Variants in GPC6 observed in about 807,000 individuals in gnomAD.
GPC6 encodes glypican 6, also known as glypican-6.
A neutral mutation model predicts 55.2 loss-of-function variants in GPC6; 14 were observed. That is an observed-to-expected ratio of 0.25 (90% confidence interval 0.17 to 0.40). The LOEUF is 0.40. GPC6 is among the 10% of genes least tolerant of loss of function. The probability of loss-of-function intolerance (pLI) is 1.00; values close to 1 mark genes in which losing one functional copy is unlikely to be tolerated. For synonymous variants in GPC6, 278 were observed against 259.6 expected, an observed-to-expected ratio of 1.07 and a Z score of -0.68; for missense variants, 641 against 708.5, an observed-to-expected ratio of 0.90 and a Z score of 1.08.
chr13:93,841,791 A>C (rs1052432446), intron 3 of GPC6, among the ~76,000 whole-genome samples: 3 of 152,216 alleles, frequency 2.0e-5, no homozygotes, highest in African/African-American at 4.8e-5. Context: ...AACAGAGAGC[A>C]GTGGATTTTA....
chr13:93,355,324 C>T (rs1253392955), intron 1 of GPC6, among the ~76,000 whole-genome samples: 1 of 152,064 alleles, frequency 6.6e-6, no homozygotes, highest in East Asian at 1.9e-4. Flanking sequence ...GGTAAGAGCA[C>T]ACATGACACT....
At chr13:94,323,211 T>G (rs1876931568) in intron 6 of GPC6, among the ~76,000 whole-genome samples, 8 of 152,146 alleles carry the variant, frequency 5.3e-5, no homozygotes. Flanking sequence ...CCTTTTAATT[T>G]GCACATGGCA....
At chr13:93,409,646 C>T (rs933622354) in intron 1 of GPC6, among the ~76,000 whole-genome samples, 1 of 152,132 alleles carries the variant, frequency 6.6e-6, no homozygotes, top group Non-Finnish European at 1.5e-5. Flanking sequence ...CAGCAAATCT[C>T]AAAAGAAGAA....
At chr13:94,196,500 A>G (rs1322818358) in intron 4 of GPC6, among the ~76,000 whole-genome samples, 1 of 152,234 alleles carries the variant, frequency 6.6e-6, no homozygotes, top group Non-Finnish European at 1.5e-5. Flanking sequence ...TATCATTTTA[A>G]GATGCCGGGT....
chr13:93,426,108 G>C (rs1877117242), intron 1 of GPC6, among the ~76,000 whole-genome samples: 1 of 152,046 alleles, frequency 6.6e-6, no homozygotes. Context: ...CTCCTAATAG[G>C]CTTTTATTTG....
intron 1 of GPC6, among the ~76,000 whole-genome samples, chr13:93,492,493 C>T (rs1880059219): frequency 6.6e-6 from 1 of 151,036 alleles, no homozygotes; most frequent in Non-Finnish European, 1.5e-5. Flanking sequence ...TTCCTCTTTT[C>T]CCTATTGAAT....
intron 1 of GPC6, among the ~76,000 whole-genome samples, chr13:93,427,918 A>C (rs573572406): frequency 6.6e-6 from 1 of 152,302 alleles, no homozygotes; most frequent in South Asian, 2.1e-4. Context: ...AGTTTTATGC[A>C]GTCAGTATTC....
At chr13:93,652,417 G>A (rs1260922322) in intron 2 of GPC6, among the ~76,000 whole-genome samples, 2 of 152,072 alleles carry the variant, frequency 1.3e-5, no homozygotes, top group African/African-American at 4.8e-5. Flanking sequence ...AATTATATGT[G>A]CATTAACTGA....
At chr13:93,696,162 T>A (rs1882444986) in intron 2 of GPC6, among the ~76,000 whole-genome samples, 1 of 152,180 alleles carries the variant, frequency 6.6e-6, no homozygotes, top group South Asian at 2.1e-4. Context: ...AAGAAAATGT[T>A]ATATTTCTAT....
intron 6 of GPC6, among the ~76,000 whole-genome samples, chr13:94,372,452 T>G (rs534415974): frequency 9.3e-5 from 14 of 150,532 alleles, no homozygotes; most frequent in East Asian, 1.9e-4. Flanking sequence ...AAGGGGTGAC[T>G]GACGGCACCT....
At chr13:94,100,190 C>A (rs1885805655) in intron 4 of GPC6, among the ~76,000 whole-genome samples, 1 of 152,128 alleles carries the variant, frequency 6.6e-6, no homozygotes, top group South Asian at 2.1e-4. Flanking sequence ...ATAGGTTAAG[C>A]TGCCCAAAGT....
At chr13:93,659,348 C>A (rs1164205252) in intron 2 of GPC6, among the ~76,000 whole-genome samples, 1 of 151,774 alleles carries the variant, frequency 6.6e-6, no homozygotes, top group Non-Finnish European at 1.5e-5. Context: ...TCGTACTATT[C>A]TTTTACTATT....
At chr13:93,801,602 T>C (rs2138938103) in intron 2 of GPC6, among the ~76,000 whole-genome samples, 1 of 152,258 alleles carries the variant, frequency 6.6e-6, no homozygotes, top group East Asian at 1.9e-4. Context: ...AATGTGCTGG[T>C]ACCATTTCCT....
At chr13:93,539,390 G>T (rs1483948734) in intron 1 of GPC6, among the ~76,000 whole-genome samples, 1 of 152,080 alleles carries the variant, frequency 6.6e-6, no homozygotes, top group Non-Finnish European at 1.5e-5. Flanking sequence ...AGTTGAACAG[G>T]TTTAGTTATA....
intron 2 of GPC6, among the ~76,000 whole-genome samples, chr13:93,603,527 T>A (rs909274542): frequency 1.3e-5 from 2 of 152,226 alleles, no homozygotes. Flanking sequence ...GTCCCCACTT[T>A]GCAGGTGAGG....
chr13:93,621,404 T>A (rs1401348169), intron 2 of GPC6, among the ~76,000 whole-genome samples: 2 of 152,144 alleles, frequency 1.3e-5, no homozygotes, highest in Non-Finnish European at 2.9e-5. Context: ...AATAAGACCA[T>A]AAAAATGGTA....
intron 4 of GPC6, among the ~76,000 whole-genome samples, chr13:94,092,436 A>C (rs1331755117): frequency 6.6e-6 from 1 of 152,066 alleles, no homozygotes; most frequent in Non-Finnish European, 1.5e-5. Flanking sequence ...CTCTAAATTC[A>C]TTTATATTGT....
intron 2 of GPC6, among the ~76,000 whole-genome samples, chr13:93,722,809 G>T (rs1490247466): frequency 6.6e-6 from 1 of 151,704 alleles, no homozygotes; most frequent in African/African-American, 2.4e-5. Flanking sequence ...TGCAATTCTT[G>T]GTATTCCTCG....
intron 4 of GPC6, among the ~76,000 whole-genome samples, chr13:94,275,097 C>A (rs1892162010): frequency 6.6e-6 from 1 of 152,212 alleles, no homozygotes; most frequent in Admixed American, 6.5e-5. Flanking sequence ...AAAATTATTC[C>A]AATGATTCTT....
Sources: allele counts gnomAD v4.1 joint callset (sites outside exome capture counted in the v4.1 genomes callset), GRCh38; gene constraint gnomAD v4.1.1; transcripts MANE v1.5; gene names NCBI Gene and HGNC (gene_info 2026-07-23, HGNC 2026-07-21).